Variants in NDUFAF6 observed in about 807,000 individuals in gnomAD.
NDUFAF6 encodes the protein NADH:ubiquinone oxidoreductase complex assembly factor 6.
In NDUFAF6, 45 loss-of-function variants were observed where a neutral mutation model predicts 40.8. The observed-to-expected ratio is 1.10, with a 90% CI of 0.87 to 1.42. NDUFAF6 has a LOEUF of 1.42. NDUFAF6 is among the 40% of genes most tolerant of loss of function. NDUFAF6 has a pLI of 0.00. For missense variants in NDUFAF6, 435 were observed against 418.5 expected, an observed-to-expected ratio of 1.04 and a Z score of -0.34; for synonymous variants, 185 against 155.9, an observed-to-expected ratio of 1.19 and a Z score of -1.39.
chr8:95,063,894 C>T (rs139023121), intron 9 of NDUFAF6, among the ~76,000 whole-genome samples: 453 of 150,154 alleles, frequency 3.0e-3, no homozygotes, highest in African/African-American at 9.8e-3. Context: ...TTTTTTGAGA[C>T]GGAGTCCTGC....
chr8:94,985,406 T>C (rs1022145882), intron 2 of NDUFAF6, among the ~76,000 whole-genome samples: 1 of 142,206 alleles, frequency 7.0e-6, no homozygotes, highest in African/African-American at 2.6e-5. Flanking sequence ...ACTTAGGCCA[T>C]TTTGATTTGC....
intron 1 of NDUFAF6, among the ~76,000 whole-genome samples, chr8:94,963,918 A>G (rs1161890717): frequency 2.0e-5 from 3 of 152,156 alleles, no homozygotes; most frequent in African/African-American, 7.2e-5. Context: ...TCATTATCTT[A>G]TCATTCAACT....
intron 1 of NDUFAF6, among the ~76,000 whole-genome samples, chr8:95,026,319 T>C (rs975732617): frequency 6.6e-6 from 1 of 151,960 alleles, no homozygotes; most frequent in African/African-American, 2.4e-5. Context: ...AAATAAAAAA[T>C]TAGTTGGGCG....
intron 9 of NDUFAF6, among the ~76,000 whole-genome samples, chr8:95,074,367 G>C (rs182218810): frequency 6.6e-6 from 1 of 152,022 alleles, no homozygotes; most frequent in African/African-American, 2.4e-5. Flanking sequence ...TGTGTGGCTC[G>C]TGTGCTCTCA....
intron 4 of NDUFAF6, 31 bp downstream of exon 4, chr8:95,041,657 T>C (rs754640036): frequency 2.0e-6 from 3 of 1,531,774 alleles, no homozygotes; most frequent in Non-Finnish European, 1.8e-6. Flanking sequence ...TCTTAAGTTT[T>C]TTCTTCCTGT....
chr8:94,951,099 A>G (rs951070546), intron 2 of NDUFAF6: 3 of 152,358 alleles, frequency 2.0e-5, no homozygotes, highest in Middle Eastern at 3.4e-3. Flanking sequence ...TCATTAAGCA[A>G]AAGCATTAAG....
intron 1 of NDUFAF6, chr8:94,896,531 G>C (rs1027451488): frequency 1.3e-5 from 2 of 152,234 alleles, no homozygotes; most frequent in Non-Finnish European, 2.9e-5. Context: ...GCGAGGCGGG[G>C]AACAGCTCCG....
chr8:95,031,442 AAAAC>A (rs1489459085), intron 1 of NDUFAF6, among the ~76,000 whole-genome samples: 5 of 152,356 alleles, frequency 3.3e-5, no homozygotes, highest in Admixed American at 6.5e-5. Flanking sequence ...AATTCTTACT[AAAAC>A]AAAAGTGATT....
intron 2 of NDUFAF6, among the ~76,000 whole-genome samples, 160 bp from the exon 3 acceptor site, chr8:95,035,294 T>C (rs1829360744): frequency 6.6e-6 from 1 of 152,212 alleles, no homozygotes; most frequent in South Asian, 2.1e-4. Flanking sequence ...TAAAATTCTC[T>C]CTTTGTTGTG....
intron 1 of NDUFAF6, among the ~76,000 whole-genome samples, chr8:94,924,427 A>C (rs1586664322): frequency 6.6e-6 from 1 of 152,216 alleles, no homozygotes; most frequent in African/African-American, 2.4e-5. Flanking sequence ...ATATTCAACT[A>C]ATCTATGCAT....
intron 1 of NDUFAF6, among the ~76,000 whole-genome samples, chr8:94,961,237 T>C (rs4735337): frequency 0.51 from 76,984 of 152,030 alleles, 19,913 homozygotes; most frequent in East Asian, 0.72. Flanking sequence ...AACTCCAGGC[T>C]TACCTCATAT....
chr8:94,934,167 C>T (rs1398869951), intron 1 of NDUFAF6, among the ~76,000 whole-genome samples: 1 of 150,444 alleles, frequency 6.6e-6, no homozygotes, highest in African/African-American at 2.4e-5. Context: ...AAAACACAAT[C>T]TGGAAGGATA....
intron 2 of NDUFAF6, among the ~76,000 whole-genome samples, chr8:95,082,743 T>C (rs1290345354): frequency 6.6e-6 from 1 of 151,850 alleles, no homozygotes; most frequent in African/African-American, 2.4e-5. Context: ...CACTGCAAGC[T>C]CCGCCTCCCG....
chr8:95,088,632 C>CTT (rs1809130343), intron 2 of NDUFAF6, among the ~76,000 whole-genome samples: 1 of 151,484 alleles, frequency 6.6e-6, no homozygotes, highest in South Asian at 2.1e-4. Flanking sequence ...TGATCTCAGG[C>CTT]TTTGGCTTCA....
chr8:94,937,241 G>A, intron 1 of NDUFAF6, among the ~76,000 whole-genome samples: 1 of 152,104 alleles, frequency 6.6e-6, no homozygotes, highest in African/African-American at 2.4e-5. Context: ...AGGAGTTCGA[G>A]ACTAGCCTGG....
At chr8:94,929,235 G>C (rs1385065198) in intron 1 of NDUFAF6, 1 of 152,180 alleles carries the variant, frequency 6.6e-6, no homozygotes, top group African/African-American at 2.4e-5. Context: ...GTTCAGTTCT[G>C]AACAGCTCCA....
chr8:95,101,248 G>A (rs893809733), intron 2 of NDUFAF6: 1 of 152,164 alleles, frequency 6.6e-6, no homozygotes, highest in Non-Finnish European at 1.5e-5. Flanking sequence ...AATGCACAAT[G>A]TTGCCCTTGT....
At chr8:94,958,011 T>C (rs1453379) in exon 1 of NDUFAF6, 96,634 of 152,006 alleles carry the variant, frequency 0.64, 31,827 homozygotes, top group East Asian at 0.76. Flanking sequence ...TCTTCGGCCT[T>C]TCTGACATGG....
At chr8:95,108,815 T>C (rs1237931208) in intron 4 of NDUFAF6, among the ~76,000 whole-genome samples, 1 of 152,154 alleles carries the variant, frequency 6.6e-6, no homozygotes, top group Non-Finnish European at 1.5e-5. Context: ...AGAATTACAA[T>C]TTTATCTAGT....
Sources: gnomAD v4.1 joint callset for allele counts (sites outside exome capture counted in the v4.1 genomes callset) on GRCh38, gnomAD v4.1.1 for gene constraint, MANE v1.5 for transcripts, NCBI Gene and HGNC (gene_info 2026-07-23, HGNC 2026-07-21) for gene names.